The following PCDH9 variants were observed in gnomAD, a reference collection of about 807,000 sequenced individuals.
PCDH9 encodes protocadherin 9.
A neutral mutation model predicts 70.6 loss-of-function variants in PCDH9; 24 were observed. That is an observed-to-expected ratio of 0.34 (90% CI 0.25 to 0.48). The LOEUF (loss-of-function observed/expected upper bound fraction) is 0.48, where lower values mean the gene tolerates loss of function less well. PCDH9 is among the 20% of genes least tolerant of loss of function. The pLI, the probability that PCDH9 is intolerant of heterozygous loss-of-function variation, is 0.99. For missense variants in PCDH9, 1,281 were observed against 1,503.6 expected (o/e 0.85, Z 2.45); for synonymous variants, 562 against 558.5 (o/e 1.01, Z -0.09).
chr13:66,785,858 T>A lies in PCDH9; in HGVS notation c.3138+117646A>T, dbSNP rs551864169. 8.4e-3 allele frequency among the ~76,000 whole-genome samples: 1,265 copies of A among 151,478 alleles called. 6 individuals are homozygous for A. Among genetic ancestry groups the A allele is most frequent in the African/African-American group, 0.02 (811 of 41,356 alleles). On this transcript the variant is annotated intron_variant, in intron 3 of 4. Transcript: ENST00000377865. The stretch of plus-strand genomic sequence containing the variant: ...TGGGTTTTTCCAAAAAAAAAAAAAA[T>A]TTACTGTTTGAGACTGTTATTTATC...
In PCDH9 at chr13:67,001,096, A is replaced by G. The variant is rs185113372; in HGVS notation, c.3037-97491T>C. Among the ~76,000 whole-genome samples the G allele has an allele frequency of 5.7e-4, 87 of 152,342 alleles. 1 individual carries two copies. Among genetic ancestry groups the G allele is most frequent in the Non-Finnish European group, 9.8e-4 (67 of 68,028 alleles). On this transcript the variant is annotated intron_variant, in intron 2 of 4. Transcript: ENST00000377865. ...GCAAACTATCTTGCCAAAGTCACAT[A>G]GCTAATAAGTTCGATACAGAAGTAA...
rs148301244 is a variant in PCDH9, at chr13:66,411,294, G to T, written c.3341-106266C>A. On this transcript the variant is annotated intron_variant, in intron 4 of 4. Transcript: ENST00000377865. Reference sequence around the variant, plus strand: ...GTTATAGAAAATTTTCTGTAATGCAGACTATTGTAATTTTGAAGATTTTGA... The same window carrying T: ...GTTATAGAAAATTTTCTGTAATGCATACTATTGTAATTTTGAAGATTTTGA... 4.6e-5 allele frequency among the ~76,000 whole-genome samples: 7 copies of T among 152,264 alleles called. No homozygotes were observed. In the East Asian group the frequency reaches 1.2e-3, roughly 25 times the overall value.
At chr13:67,013,382 T>C (rs1277585683) in intron 2 of PCDH9, among the ~76,000 whole-genome samples, 1 of 151,832 alleles carries the variant, frequency 6.6e-6, no homozygotes, top group African/African-American at 2.4e-5. Context: ...AAACATTTTA[T>C]CCTATATCAT....
intron 3 of PCDH9, among the ~76,000 whole-genome samples, chr13:66,730,019 C>T (rs1199984719): frequency 6.6e-6 from 1 of 152,168 alleles, no homozygotes; most frequent in Non-Finnish European, 1.5e-5. Context: ...GACTGTGATA[C>T]ACTTATTTTG....
chr13:66,711,489 T>A (rs1382606106), intron 3 of PCDH9, among the ~76,000 whole-genome samples: 4 of 152,130 alleles, frequency 2.6e-5, no homozygotes, highest in South Asian at 4.2e-4. Flanking sequence ...GAGAGTGTAT[T>A]TGCAGTCTTA....
intron 2 of PCDH9, among the ~76,000 whole-genome samples, chr13:67,084,738 G>A (rs1287592909): frequency 6.6e-6 from 1 of 150,678 alleles, no homozygotes; most frequent in Non-Finnish European, 1.5e-5. Flanking sequence ...TGGTGGCTGA[G>A]GGGGGGGATC....
intron 4 of PCDH9, among the ~76,000 whole-genome samples, chr13:66,336,885 G>A (rs1956046707): frequency 6.6e-6 from 1 of 151,912 alleles, no homozygotes; most frequent in Non-Finnish European, 1.5e-5. Flanking sequence ...TGGATTAAAT[G>A]CATTATATTA....
At chr13:66,474,124 T>G (rs1328308937) in intron 4 of PCDH9, among the ~76,000 whole-genome samples, 1 of 152,202 alleles carries the variant, frequency 6.6e-6, no homozygotes, top group Admixed American at 6.5e-5. Context: ...AACTAACCTT[T>G]GAATATTTTC....
intron 2 of PCDH9, among the ~76,000 whole-genome samples, chr13:67,050,594 G>A (rs543430200): frequency 6.6e-6 from 1 of 152,152 alleles, no homozygotes. Flanking sequence ...GCTACATATT[G>A]TTATTGTACA....
intron 3 of PCDH9, among the ~76,000 whole-genome samples, chr13:66,773,075 AT>A (rs2079833808): frequency 6.6e-6 from 1 of 152,246 alleles, no homozygotes; most frequent in Non-Finnish European, 1.5e-5. Context: ...AATATGATGT[AT>A]CCATTCAACT....
rs141519367 is a variant in PCDH9, at chr13:67,039,618, A to T, written c.3037-136013T>A. On this transcript the variant is annotated intron_variant, in intron 2 of 4. Coordinates refer to ENST00000377865, the MANE Select transcript of PCDH9 (RefSeq NM_203487.3). ...CTTTCCATTGTGTGTGGGCAAATGG[A>T]TCAGTTTTCTTTAGTGACAGAAGTT... is the stretch of plus-strand genomic sequence containing the variant. Among the ~76,000 whole-genome samples, 749 of 152,306 alleles carry T rather than the reference A, an allele frequency of 4.9e-3. 2 individuals carry two copies. Among genetic ancestry groups the T allele is most frequent in the Non-Finnish European group, 5.3e-3 (362 of 68,024 alleles).
At chr13:67,033,796 G>A (rs2139891035) in intron 2 of PCDH9, among the ~76,000 whole-genome samples, 1 of 152,222 alleles carries the variant, frequency 6.6e-6, no homozygotes, top group African/African-American at 2.4e-5. Context: ...ATCATCCCGA[G>A]ACTATCTCAA....
At chr13:66,671,115 T>A (rs1310248556) in intron 3 of PCDH9, among the ~76,000 whole-genome samples, 1 of 152,168 alleles carries the variant, frequency 6.6e-6, no homozygotes, top group East Asian at 1.9e-4. Context: ...AAAGGGCAGT[T>A]CCCCTCTACA....
intron 2 of PCDH9, among the ~76,000 whole-genome samples, chr13:67,001,257 C>T (rs1594374586): frequency 6.6e-6 from 1 of 152,242 alleles, no homozygotes; most frequent in East Asian, 1.9e-4. Context: ...CTATTGACCA[C>T]ATTAATTAGT....
intron 2 of PCDH9, among the ~76,000 whole-genome samples, chr13:67,120,494 T>G (rs1594538777): frequency 6.6e-6 from 1 of 152,214 alleles, no homozygotes; most frequent in Non-Finnish European, 1.5e-5. Flanking sequence ...CTCCTTTGCT[T>G]CTTTTTTTCT....
At chr13:66,359,783 C>G (rs956429554) in intron 4 of PCDH9, among the ~76,000 whole-genome samples, 2 of 152,018 alleles carry the variant, frequency 1.3e-5, no homozygotes, top group African/African-American at 4.8e-5. Flanking sequence ...TATTTCTAAG[C>G]TTAACCATTC....
chr13:66,705,058 T>A (rs2078693978), intron 3 of PCDH9, among the ~76,000 whole-genome samples: 1 of 152,162 alleles, frequency 6.6e-6, no homozygotes. Context: ...AATATATACC[T>A]TTTCTCTATC....
intron 2 of PCDH9, among the ~76,000 whole-genome samples, chr13:67,132,163 A>G (rs1260378496): frequency 6.6e-6 from 1 of 152,184 alleles, no homozygotes; most frequent in African/African-American, 2.4e-5. Context: ...GTGGAGTCAG[A>G]GAGTTAGTTG....
chr13:66,597,643 A>G (rs938336514), intron 4 of PCDH9, among the ~76,000 whole-genome samples: 4 of 151,764 alleles, frequency 2.6e-5, no homozygotes, highest in Non-Finnish European at 5.9e-5. Flanking sequence ...GAAAACATGG[A>G]GGAAAGCCTT....
Sources: allele counts gnomAD v4.1 joint callset (sites outside exome capture counted in the v4.1 genomes callset), GRCh38; gene constraint gnomAD v4.1.1; transcripts MANE v1.5; gene names NCBI Gene and HGNC (gene_info 2026-07-23, HGNC 2026-07-21).